Variants in KIAA1328 observed in about 807,000 individuals in gnomAD.
KIAA1328 encodes protein hinderin.
KIAA1328 carries 52 observed loss-of-function variants against 68.1 expected under a neutral mutation model. That is an observed-to-expected ratio of 0.76 (90% CI 0.61 to 0.96). KIAA1328 has a LOEUF of 0.96. Among genes scored for constraint, KIAA1328 ranks in the 40% least tolerant of loss-of-function variants. KIAA1328 has a pLI of 0.00. For synonymous variants in KIAA1328, 232 were observed against 239.4 expected (o/e 0.97, Z 0.28); for missense variants, 641 against 677.6 (o/e 0.95, Z 0.60).
In KIAA1328 at chr18:37,222,437, G is replaced by C. The variant is rs187536164; in HGVS notation, c.*210G>C. The C allele has an allele frequency of 7.1e-7, 1 of 1,408,766 alleles. No individual in the cohort carries two copies. The highest frequency in any genetic ancestry group is 1.4e-5 in the African/African-American group (1 of 69,320). 87.3% of individuals were successfully genotyped at this position (1,408,766 alleles called of 1,614,324 possible). On this transcript the variant is annotated 3_prime_UTR_variant, in exon 10 of 10. Transcript: ENST00000280020. ...ATTCGATAACACACTAAGGGGGTAG[G>C]AATGGAAGATGGTATCTTTTATATG...
At chr18:36,850,319 G>A (rs2047170823) in intron 4 of KIAA1328, among the ~76,000 whole-genome samples, 1 of 151,960 alleles carries the variant, frequency 6.6e-6, no homozygotes, top group African/African-American at 2.4e-5. Flanking sequence ...AATAGCTATT[G>A]TGTGTTGATC....
At chr18:36,977,956 G>C (rs531117518) in intron 6 of KIAA1328, among the ~76,000 whole-genome samples, 28 of 151,896 alleles carry the variant, frequency 1.8e-4, no homozygotes, top group Middle Eastern at 3.4e-3. Flanking sequence ...GCTAATTTTT[G>C]TAATTTTAGT....
chr18:37,123,104 C>G (rs1226815477), intron 7 of KIAA1328, among the ~76,000 whole-genome samples: 2 of 152,094 alleles, frequency 1.3e-5, no homozygotes, highest in African/African-American at 2.4e-5. Flanking sequence ...GTTTCCCCAG[C>G]CTTTGTAAAG....
chr18:37,172,109 T>C (rs755634925), intron 8 of KIAA1328, among the ~76,000 whole-genome samples: 4 of 152,212 alleles, frequency 2.6e-5, no homozygotes, highest in Non-Finnish European at 5.9e-5. Context: ...TTTTAGGGTC[T>C]GGTATTCCCA....
At chr18:37,122,770 A>G (rs1459929990) in intron 7 of KIAA1328, among the ~76,000 whole-genome samples, 1 of 152,084 alleles carries the variant, frequency 6.6e-6, no homozygotes, top group Admixed American at 6.6e-5. Flanking sequence ...TGAGGAACAT[A>G]TAGGGCTGAT....
At chr18:37,087,673 G>A (rs962359108) in intron 7 of KIAA1328, among the ~76,000 whole-genome samples, 3 of 152,140 alleles carry the variant, frequency 2.0e-5, no homozygotes, top group African/African-American at 7.2e-5. Context: ...GCACGCTGGG[G>A]ACTCTTACTT....
At chr18:37,176,440 T>C (rs2059598956) in intron 9 of KIAA1328, among the ~76,000 whole-genome samples, 1 of 152,214 alleles carries the variant, frequency 6.6e-6, no homozygotes, top group South Asian at 2.1e-4. Flanking sequence ...AAGGGGGCAT[T>C]ATAGTTTTCT....
chr18:36,982,997 A>G (rs1188053237), intron 6 of KIAA1328, among the ~76,000 whole-genome samples: 2 of 152,008 alleles, frequency 1.3e-5, no homozygotes, highest in Non-Finnish European at 2.9e-5. Context: ...TAACAAATAG[A>G]TGAACAAAGG....
At chr18:36,895,600 G>A (rs2048842566) in intron 5 of KIAA1328, among the ~76,000 whole-genome samples, 1 of 152,078 alleles carries the variant, frequency 6.6e-6, no homozygotes. Flanking sequence ...GAGAAGAGAT[G>A]GTGCTTTTCA....
At chr18:37,041,965 T>G (rs1020615223) in intron 6 of KIAA1328, among the ~76,000 whole-genome samples, 14 of 152,264 alleles carry the variant, frequency 9.2e-5, no homozygotes, top group Middle Eastern at 3.4e-3. Context: ...AATCACAGCC[T>G]CAACTTCCCA....
chr18:36,878,272 T>G (rs2048207651), intron 4 of KIAA1328, among the ~76,000 whole-genome samples: 1 of 152,184 alleles, frequency 6.6e-6, no homozygotes. Context: ...TTATTTCTCC[T>G]TTGCGTATGA....
chr18:36,830,699 C>A (rs2046453591), intron 1 of KIAA1328, among the ~76,000 whole-genome samples: 1 of 152,122 alleles, frequency 6.6e-6, no homozygotes, highest in Non-Finnish European at 1.5e-5. Context: ...GTTATATCAC[C>A]CCCTATTTTA....
At chr18:36,907,438 C>A (rs1285445020) in intron 5 of KIAA1328, among the ~76,000 whole-genome samples, 1 of 152,078 alleles carries the variant, frequency 6.6e-6, no homozygotes. Flanking sequence ...AACATAGATA[C>A]CTTTATTTAG....
At chr18:37,215,818 A>G (rs2060419187) in intron 9 of KIAA1328, among the ~76,000 whole-genome samples, 1 of 152,090 alleles carries the variant, frequency 6.6e-6, no homozygotes, top group Non-Finnish European at 1.5e-5. Context: ...TATTGCCTCA[A>G]TTTCTGAGCC....
chr18:37,056,291 G>T (rs573488508), intron 6 of KIAA1328, among the ~76,000 whole-genome samples: 185 of 152,204 alleles, frequency 1.2e-3, no homozygotes, highest in African/African-American at 4.3e-3. Flanking sequence ...TTTCTATGCA[G>T]TCTTTAAAAC....
intron 7 of KIAA1328, among the ~76,000 whole-genome samples, chr18:37,116,621 A>C (rs566174972): frequency 6.6e-6 from 1 of 152,354 alleles, no homozygotes; most frequent in East Asian, 1.9e-4. Context: ...TATGACTAAA[A>C]CACCAAAAGC....
intron 7 of KIAA1328, among the ~76,000 whole-genome samples, chr18:37,135,307 A>G (rs548382167): frequency 6.6e-6 from 1 of 152,328 alleles, no homozygotes; most frequent in Non-Finnish European, 1.5e-5. Flanking sequence ...ACTAATTTAC[A>G]TTCACAATAG....
In KIAA1328 at chr18:37,066,885, T is replaced by C; in HGVS notation, c.577-5T>C. Reference sequence around the variant, plus strand: ...TTTGACAGGTGATCTTGTGGTTCTTTCTAGGTATCCAGTAGAAAAAGCACT... The same window carrying C: ...TTTGACAGGTGATCTTGTGGTTCTTCCTAGGTATCCAGTAGAAAAAGCACT... On this transcript the variant is annotated splice_polypyrimidine_tract_variant and splice_region_variant and intron_variant, in intron 6 of 9. Transcript: ENST00000280020. The C allele has an allele frequency of 2.6e-6, 4 of 1,560,706 alleles. No homozygotes were observed. Among genetic ancestry groups the C allele is most frequent in the Non-Finnish European group, 3.5e-6 (4 of 1,155,102 alleles).
At chr18:37,021,705 C>G (rs995260638) in intron 6 of KIAA1328, among the ~76,000 whole-genome samples, 6 of 152,080 alleles carry the variant, frequency 3.9e-5, no homozygotes, top group African/African-American at 1.4e-4. Flanking sequence ...CTCCCTCTGT[C>G]TCTGTACAGG....
Sources: allele counts gnomAD v4.1 joint callset (sites outside exome capture counted in the v4.1 genomes callset), GRCh38; gene constraint gnomAD v4.1.1; transcripts MANE v1.5; gene names NCBI Gene and HGNC (gene_info 2026-07-23, HGNC 2026-07-21).